The following COL14A1 variants were observed in gnomAD, a reference collection of about 807,000 sequenced individuals.
COL14A1 encodes the protein collagen type XIV alpha 1 chain.
A neutral mutation model predicts 230.3 loss-of-function variants in COL14A1; 136 were observed. The ratio of observed to expected loss-of-function variants is 0.59; its 90% CI spans 0.51 to 0.68. The LOEUF (loss-of-function observed/expected upper bound fraction) is 0.68. COL14A1 is among the 30% of genes least tolerant of loss of function. The pLI is 0.00. For missense variants in COL14A1, 1,976 were observed against 2,215.8 expected (o/e 0.89, Z 2.17); for synonymous variants, 792 against 784.1 (o/e 1.01, Z -0.17).
intron 4 of COL14A1, among the ~76,000 whole-genome samples, chr8:120,167,349 AAATG>A (rs869150293): frequency 1.4e-5 from 1 of 70,920 alleles, no homozygotes; most frequent in African/African-American, 3.7e-5. Context: ...GATTTCCATG[AAATG>A]AATGTAGCAA....
chr8:120,263,171 T>C (rs1819395733), intron 24 of COL14A1, among the ~76,000 whole-genome samples, 157 bp downstream of exon 24: 1 of 152,168 alleles, frequency 6.6e-6, no homozygotes, highest in Admixed American at 6.6e-5. Flanking sequence ...CCAGAATTCA[T>C]TGCATATGGC....
chr8:120,209,886 TG>T lies in COL14A1; in HGVS notation c.1456del (p.Asp486MetfsTer5). On this transcript the variant is annotated frameshift_variant, in exon 12 of 48. Coordinates refer to ENST00000297848, the MANE Select transcript of COL14A1 (RefSeq NM_021110.4). LOFTEE classifies it high-confidence loss of function. ...ATGCTCCTCTAACAGAGGGCCTGGC[TG>T]GGGATGAAAAAGAGGTAACCACTTC... ...LYAPLTEGLA[G>X]DEKEMKIGET... The T allele has an allele frequency of 6.2e-7, 1 of 1,605,448 alleles. No individual in the cohort carries two copies. Among genetic ancestry groups the T allele is most frequent in the Non-Finnish European group, 8.5e-7 (1 of 1,176,954 alleles).
rs1159880916 is a variant in COL14A1 at position 120,162,441 on chromosome 8, A to G, written c.221A>G (p.Gln74Arg). 3 of 1,601,866 alleles carry G rather than the reference A, an allele frequency of 1.9e-6. No individual in the cohort carries two copies. The highest frequency in any genetic ancestry group is 3.5e-5 in the Admixed American group (2 of 57,326). Reference protein sequence around the residue: ...VTPTSGGKTNQLNLQNTATKA... With the variant: ...VTPTSGGKTNRLNLQNTATKA... The stretch of plus-strand genomic sequence containing the variant: ...TTTATTATAGGTGGAAAAACTAACC[A>G]GCTGAATCTGCAGAACACTGCAACT... Residue 74 changes from glutamine to arginine, a missense_variant, in exon 4 of 48, where the codon CAG becomes CGG. Physicochemically the swap from Gln to Arg is conservative, Grantham distance 43. Transcript: ENST00000297848.
chr8:120,249,707 C>A (rs921638703), intron 21 of COL14A1, among the ~76,000 whole-genome samples: 2 of 152,062 alleles, frequency 1.3e-5, no homozygotes, highest in African/African-American at 4.8e-5. Flanking sequence ...TACTCCTCTG[C>A]CCCAGAATAA....
chr8:120,147,435 A>T (rs1420889077), intron 1 of COL14A1, among the ~76,000 whole-genome samples: 1 of 152,168 alleles, frequency 6.6e-6, no homozygotes, highest in African/African-American at 2.4e-5. Flanking sequence ...TGTGAACTTT[A>T]TGTGACAAAT....
chr8:120,341,513 C>T (rs1310085334), intron 43 of COL14A1, among the ~76,000 whole-genome samples, 153 bp downstream of exon 43: 1 of 152,124 alleles, frequency 6.6e-6, no homozygotes, highest in Non-Finnish European at 1.5e-5. Flanking sequence ...TAGACTGTGG[C>T]CATATTTTCC....
chr8:120,290,170 G>A (rs1013353693), intron 34 of COL14A1, among the ~76,000 whole-genome samples: 2 of 152,226 alleles, frequency 1.3e-5, no homozygotes, highest in East Asian at 3.9e-4. Context: ...CACAAAATTA[G>A]TGAATATTAT....
intron 2 of COL14A1, among the ~76,000 whole-genome samples, chr8:120,152,562 C>T (rs1815326195): frequency 6.6e-6 from 1 of 150,832 alleles, no homozygotes. Context: ...CATTTAGTCT[C>T]TCCATGGAAT....
At chr8:120,338,162 C>T (rs1822149422) in intron 42 of COL14A1, among the ~76,000 whole-genome samples, 1 of 150,530 alleles carries the variant, frequency 6.6e-6, no homozygotes, top group Non-Finnish European at 1.5e-5. Flanking sequence ...TGTATTGGTG[C>T]AGAAATAAAA....
chr8:120,316,019 G>T, intron 40 of COL14A1, 22 bp downstream of exon 40: 1 of 1,613,694 alleles, frequency 6.2e-7, no homozygotes, highest in Non-Finnish European at 8.5e-7. Context: ...CCCAAGGTTG[G>T]TTTTTAGCAA....
chr8:120,266,233 C>A (rs1184554757), intron 24 of COL14A1, among the ~76,000 whole-genome samples: 1 of 152,042 alleles, frequency 6.6e-6, no homozygotes, highest in Non-Finnish European at 1.5e-5. Flanking sequence ...CCAAGCCATA[C>A]CTCTGCAGAG....
chr8:120,347,652 T>G (rs147251112), intron 45 of COL14A1, among the ~76,000 whole-genome samples: 47 of 152,238 alleles, frequency 3.1e-4, no homozygotes, highest in African/African-American at 1.1e-3. Flanking sequence ...AAAACTGAAG[T>G]CTTCAGCTAT....
At chr8:120,294,740 G>A (rs1820473643) in intron 34 of COL14A1, among the ~76,000 whole-genome samples, 1 of 151,558 alleles carries the variant, frequency 6.6e-6, no homozygotes, top group African/African-American at 2.4e-5. Flanking sequence ...CTAAATAAAG[G>A]CTGAGGAATC....
chr8:120,212,405 A>G, intron 12 of COL14A1, 43 bp from the exon 13 acceptor site: 1 of 1,604,982 alleles, frequency 6.2e-7, no homozygotes, highest in Non-Finnish European at 8.5e-7. Context: ...CAGCATGAAT[A>G]ATATGTATTG....
At chr8:120,291,559 CAA>C (rs375963111) in intron 34 of COL14A1, among the ~76,000 whole-genome samples, 6 of 41,630 alleles carry the variant, frequency 1.4e-4, no homozygotes, top group African/African-American at 2.6e-4. Context: ...GACTCCATCT[CAA>C]AAAAAAAAAA....
chr8:120,290,555 A>G (rs768415546), intron 34 of COL14A1, among the ~76,000 whole-genome samples: 28 of 152,368 alleles, frequency 1.8e-4, no homozygotes, highest in Non-Finnish European at 2.6e-4. Flanking sequence ...TAATAGAACA[A>G]TCAAGATAAT....
At chr8:120,362,556 G>T (rs984390056) in intron 45 of COL14A1, among the ~76,000 whole-genome samples, 1 of 152,176 alleles carries the variant, frequency 6.6e-6, no homozygotes, top group South Asian at 2.1e-4. Flanking sequence ...AAATATTGAC[G>T]AGTCAGTGTT....
chr8:120,367,273 A>C (rs1451129427), intron 46 of COL14A1, 25 bp downstream of exon 46: 1 of 1,563,396 alleles, frequency 6.4e-7, no homozygotes, highest in African/African-American at 1.4e-5. Flanking sequence ...CTAACAAGAG[A>C]CTGCAAATGT....
At chr8:120,246,483 A>ATGT (rs76030060) in intron 20 of COL14A1, among the ~76,000 whole-genome samples, 11,391 of 152,232 alleles carry the variant, frequency 0.075, 952 homozygotes, top group East Asian at 0.4. Context: ...TGCTAAATAA[A>ATGT]TGTTTGAAAA....
Sources: allele counts gnomAD v4.1 joint callset (sites outside exome capture counted in the v4.1 genomes callset), GRCh38; gene constraint gnomAD v4.1.1; transcripts MANE v1.5; gene names NCBI Gene and HGNC (gene_info 2026-07-23, HGNC 2026-07-21).